The following IQGAP2 variants were observed in gnomAD, a reference collection of about 807,000 sequenced individuals.
The protein encoded by IQGAP2 is ras GTPase-activating-like protein IQGAP2.
A neutral mutation model predicts 201.3 loss-of-function variants in IQGAP2; 173 were observed. The observed-to-expected ratio is 0.86, with a 90% CI of 0.76 to 0.98. The LOEUF is 0.98. Among genes scored for constraint, IQGAP2 ranks in the 50% least tolerant of loss-of-function variants. The pLI, the probability that IQGAP2 is intolerant of heterozygous loss-of-function variation, is 0.00. For missense variants in IQGAP2, 1,687 were observed against 1,864.8 expected (o/e 0.90, Z 1.76); for synonymous variants, 675 against 673.9 (o/e 1.00, Z -0.03).
At chr5:76,620,139 A>G (rs1749494032) in intron 13 of IQGAP2, among the ~76,000 whole-genome samples, 1 of 152,204 alleles carries the variant, frequency 6.6e-6, no homozygotes, top group African/African-American at 2.4e-5. Flanking sequence ...ATGATTTGAT[A>G]TAGCAGCAGT....
chr5:76,575,130 T>C (rs1406756101), intron 4 of IQGAP2, among the ~76,000 whole-genome samples: 1 of 152,150 alleles, frequency 6.6e-6, no homozygotes, highest in Non-Finnish European at 1.5e-5. Context: ...AGTGACAATC[T>C]GGGAGGTGGG....
intron 1 of IQGAP2, among the ~76,000 whole-genome samples, chr5:76,460,711 AT>A (rs1192065017): frequency 6.6e-5 from 10 of 152,200 alleles, no homozygotes; most frequent in African/African-American, 1.9e-4. Context: ...ACACATGTCA[AT>A]CTTTGTTGAC....
chr5:76,455,082 T>A (rs923460576), intron 1 of IQGAP2, among the ~76,000 whole-genome samples: 1 of 152,196 alleles, frequency 6.6e-6, no homozygotes, highest in Non-Finnish European at 1.5e-5. Context: ...AATTTTTCTC[T>A]TGTGTGAAAT....
chr5:76,426,823 A>G (rs1400600969), intron 1 of IQGAP2, among the ~76,000 whole-genome samples: 6 of 152,030 alleles, frequency 3.9e-5, no homozygotes, highest in African/African-American at 1.4e-4. Context: ...ATGAAAGGAC[A>G]GGGCCCCTGC....
intron 2 of IQGAP2, among the ~76,000 whole-genome samples, chr5:76,537,514 T>C (rs1177512576): frequency 1.3e-5 from 2 of 152,176 alleles, no homozygotes; most frequent in Middle Eastern, 3.2e-3. Flanking sequence ...AATAGTGCTT[T>C]TGTCTTTCTG....
At chr5:76,512,970 G>A (rs1014329614) in intron 2 of IQGAP2, among the ~76,000 whole-genome samples, 8 of 152,088 alleles carry the variant, frequency 5.3e-5, no homozygotes, top group Non-Finnish European at 1.0e-4. Context: ...CAGGAGAATC[G>A]CTTGAACCTA....
chr5:76,677,386 C>T (rs748381506), intron 28 of IQGAP2, 36 bp downstream of exon 28: 5 of 1,603,442 alleles, frequency 3.1e-6, no homozygotes, highest in Non-Finnish European at 4.3e-6. Context: ...AGCAATGGAC[C>T]CATGATTTAG....
At chr5:76,685,253 C>T (rs1442038992) in intron 30 of IQGAP2, among the ~76,000 whole-genome samples, 5 of 152,134 alleles carry the variant, frequency 3.3e-5, no homozygotes, top group Admixed American at 3.3e-4. Flanking sequence ...ACCCTGGGTT[C>T]CTCTGAACAA....
chr5:76,636,760 G>C (rs1164721146), intron 15 of IQGAP2, among the ~76,000 whole-genome samples: 3 of 152,136 alleles, frequency 2.0e-5, no homozygotes, highest in African/African-American at 4.8e-5. Context: ...CTCTTTGGCT[G>C]CTTTTGGCCA....
intron 2 of IQGAP2, among the ~76,000 whole-genome samples, chr5:76,517,994 T>C (rs1758443130): frequency 6.6e-6 from 1 of 152,202 alleles, no homozygotes; most frequent in Admixed American, 6.5e-5. Flanking sequence ...TCTTGCTCTA[T>C]CACCCAGGCT....
chr5:76,592,738 G>A, intron 8 of IQGAP2, 100 bp from the exon 9 acceptor site: 1 of 783,336 alleles, frequency 1.3e-6, no homozygotes, highest in Non-Finnish European at 2.2e-6. Flanking sequence ...TAAATAATTA[G>A]GGAATGGTTT....
intron 2 of IQGAP2, among the ~76,000 whole-genome samples, chr5:76,499,673 T>C (rs1295448232): frequency 2.0e-5 from 3 of 152,202 alleles, no homozygotes; most frequent in Non-Finnish European, 4.4e-5. Context: ...AAATGGTTAG[T>C]CGGCCTACTA....
chr5:76,572,346 C>T (rs1457958515), intron 4 of IQGAP2, among the ~76,000 whole-genome samples: 2 of 151,912 alleles, frequency 1.3e-5, no homozygotes, highest in Non-Finnish European at 2.9e-5. Flanking sequence ...TACAGGCATG[C>T]ACCACCACGC....
At chr5:76,630,715 CT>C (rs3834254) in intron 14 of IQGAP2, among the ~76,000 whole-genome samples, 141,869 of 152,186 alleles carry the variant, frequency 0.93, 66,371 homozygotes, top group Middle Eastern at 0.97. Flanking sequence ...TGCCAGTACT[CT>C]TATTTTCTCT....
intron 21 of IQGAP2, among the ~76,000 whole-genome samples, chr5:76,662,091 G>A (rs540437156): frequency 1.3e-5 from 2 of 152,320 alleles, no homozygotes; most frequent in Admixed American, 6.5e-5. Flanking sequence ...GTTGGCTCTT[G>A]TGTCCATCTT....
chr5:76,564,231 G>A (rs529766285), intron 3 of IQGAP2, among the ~76,000 whole-genome samples: 31 of 152,276 alleles, frequency 2.0e-4, no homozygotes, highest in Admixed American at 5.2e-4. Context: ...AAGACCATCT[G>A]TATCCTCTCT....
intron 3 of IQGAP2, among the ~76,000 whole-genome samples, chr5:76,570,110 C>T (rs975525567): frequency 6.6e-6 from 1 of 152,094 alleles, no homozygotes; most frequent in Admixed American, 6.6e-5. Flanking sequence ...GCTATATTTT[C>T]CTATTTTCCA....
intron 2 of IQGAP2, among the ~76,000 whole-genome samples, chr5:76,485,409 G>GA (rs1756061869): frequency 6.6e-6 from 1 of 152,184 alleles, no homozygotes; most frequent in South Asian, 2.1e-4. Context: ...GTGTAGTGAG[G>GA]ACAGAATTTT....
intron 9 of IQGAP2, 100 bp from the exon 10 acceptor site, chr5:76,597,339 G>A: frequency 8.2e-7 from 1 of 1,213,370 alleles, no homozygotes; most frequent in Non-Finnish European, 1.2e-6. Context: ...TTCATGAAAA[G>A]TAACTGCTTA....
Sources: allele counts gnomAD v4.1 joint callset (sites outside exome capture counted in the v4.1 genomes callset), GRCh38; gene constraint gnomAD v4.1.1; transcripts MANE v1.5; gene names NCBI Gene and HGNC (gene_info 2026-07-23, HGNC 2026-07-21).